SLC9C1: variants seen among roughly 807,000 people sequenced by gnomAD.
SLC9C1 encodes the protein solute carrier family 9 member C1.
A neutral mutation model predicts 140.9 loss-of-function variants in SLC9C1; 97 were observed. That is an observed-to-expected ratio of 0.69 (90% CI 0.58 to 0.82). SLC9C1 has a LOEUF of 0.82. Among genes scored for constraint, SLC9C1 ranks in the 40% least tolerant of loss-of-function variants. SLC9C1 has a pLI of 0.00. For missense variants in SLC9C1, 1,340 were observed against 1,389.3 expected, an observed-to-expected ratio of 0.96 and a Z score of 0.56; for synonymous variants, 440 against 442.6, an observed-to-expected ratio of 0.99 and a Z score of 0.07.
At chr3:112,213,087 T>G (rs534707535) in intron 15 of SLC9C1, among the ~76,000 whole-genome samples, 1 of 152,308 alleles carries the variant, frequency 6.6e-6, no homozygotes, top group East Asian at 1.9e-4. Context: ...CAACCCAGGA[T>G]TTCATGTCCA....
chr3:112,215,168 C>T (rs2078323553), intron 15 of SLC9C1, among the ~76,000 whole-genome samples: 1 of 69,886 alleles, frequency 1.4e-5, no homozygotes, highest in Non-Finnish European at 3.1e-5. Context: ...GCCCTTCATG[C>T]TAAAAACTCT....
intron 12 of SLC9C1, among the ~76,000 whole-genome samples, chr3:112,236,382 G>A (rs1354448328): frequency 6.6e-6 from 1 of 151,876 alleles, no homozygotes. Flanking sequence ...TAGTCTTGCT[G>A]GTGGTCTATC....
chr3:112,196,284 G>A (rs2077767197), intron 20 of SLC9C1, among the ~76,000 whole-genome samples: 1 of 151,838 alleles, frequency 6.6e-6, no homozygotes, highest in Non-Finnish European at 1.5e-5. Flanking sequence ...GGATCCTTGT[G>A]TGTGATGGAT....
intron 20 of SLC9C1, among the ~76,000 whole-genome samples, chr3:112,183,119 G>T (rs1175429729): frequency 6.6e-6 from 1 of 152,040 alleles, no homozygotes; most frequent in African/African-American, 2.4e-5. Context: ...TAATCCGATT[G>T]CTGGATCATA....
intron 26 of SLC9C1, among the ~76,000 whole-genome samples, chr3:112,160,392 G>A (rs1326796678): frequency 6.6e-6 from 1 of 150,470 alleles, no homozygotes; most frequent in Non-Finnish European, 1.5e-5. Context: ...CTAGCATTAG[G>A]TATATCTCCC....
rs2078825612 is a variant in SLC9C1, at chr3:112,231,436, A to C, written c.1497T>G (p.Cys499Trp). Residue 499 changes from cysteine to tryptophan, a missense_variant, in exon 13 of 29, where the codon TGT (cysteine) becomes TGG (tryptophan). Transcript: ENST00000305815. Reference protein sequence around the residue: ...TEHQKVKCPHCNKEIDEIFNT... With the variant: ...TEHQKVKCPHWNKEIDEIFNT... ...TAAAGATCTCATCTATTTCCTTGTTACAGTGTGGACATTTCACCTTCTGAT... is the reference window on the plus strand; with the variant it reads ...TAAAGATCTCATCTATTTCCTTGTTCCAGTGTGGACATTTCACCTTCTGAT... 6.2e-7 allele frequency: 1 copy of C among 1,612,992 alleles called. No homozygotes were observed. The highest frequency in any genetic ancestry group is 1.3e-5 in the African/African-American group (1 of 74,908).
intron 23 of SLC9C1, among the ~76,000 whole-genome samples, chr3:112,174,257 C>A (rs2077296301): frequency 6.6e-6 from 1 of 152,212 alleles, no homozygotes; most frequent in Non-Finnish European, 1.5e-5. Context: ...GGGGCTCCAC[C>A]TCCATGAAAT....
At chr3:112,211,926 C>T (rs1318238788) in intron 15 of SLC9C1, among the ~76,000 whole-genome samples, 2 of 152,148 alleles carry the variant, frequency 1.3e-5, no homozygotes, top group African/African-American at 4.8e-5. Flanking sequence ...GATCTCTGAC[C>T]CCCGAGTAGC....
intron 26 of SLC9C1, among the ~76,000 whole-genome samples, chr3:112,158,775 A>G (rs2075200426): frequency 6.6e-6 from 1 of 151,558 alleles, no homozygotes; most frequent in Non-Finnish European, 1.5e-5. Flanking sequence ...GAATTTATCC[A>G]TTTCTTCTAG....
chr3:112,200,625 G>A lies in SLC9C1; in HGVS notation c.2374+86C>T, dbSNP rs1202447513. The A allele has an allele frequency of 2.4e-6, 3 of 1,240,124 alleles. No individual in the cohort carries two copies. The East Asian group carries it at 7.1e-5, about 30-fold the overall frequency. 76.8% of individuals were successfully genotyped at this position (1,240,124 alleles called of 1,614,324 possible). On this transcript the variant is annotated intron_variant, in intron 19 of 28. Transcript: ENST00000305815. The stretch of plus-strand genomic sequence containing the variant: ...TTGTTAGTGAGTAGGTTTCCTCAAA[G>A]ATTAGCTCGAGTTATGAAAACCATT...
intron 26 of SLC9C1, among the ~76,000 whole-genome samples, chr3:112,155,484 T>A (rs2075103713): frequency 6.6e-6 from 1 of 152,156 alleles, no homozygotes; most frequent in African/African-American, 2.4e-5. Context: ...TGTGTGTATG[T>A]TGGGCTATTG....
At chr3:112,233,526 C>CA (rs2078892881) in intron 12 of SLC9C1, among the ~76,000 whole-genome samples, 1 of 151,980 alleles carries the variant, frequency 6.6e-6, no homozygotes, top group Non-Finnish European at 1.5e-5. Flanking sequence ...TACATGTGCA[C>CA]AATGTGCAAG....
At chr3:112,162,682 A>C (rs1256658385) in intron 26 of SLC9C1, among the ~76,000 whole-genome samples, 1 of 152,030 alleles carries the variant, frequency 6.6e-6, no homozygotes, top group Non-Finnish European at 1.5e-5. Flanking sequence ...CCAGTATTTT[A>C]TTGAGGATTT....
At chr3:112,181,344 C>T (rs2077436111) in intron 21 of SLC9C1, among the ~76,000 whole-genome samples, 1 of 152,118 alleles carries the variant, frequency 6.6e-6, no homozygotes, top group Non-Finnish European at 1.5e-5. Flanking sequence ...CATACATACC[C>T]TTGCTCTAAA....
At chr3:112,188,663 C>G (rs999750255) in intron 20 of SLC9C1, among the ~76,000 whole-genome samples, 7 of 152,148 alleles carry the variant, frequency 4.6e-5, no homozygotes, top group Non-Finnish European at 8.8e-5. Context: ...GGTTCCAAGT[C>G]TTTGCTATTG....
At chr3:112,152,030 C>A in intron 27 of SLC9C1, 67 bp from the exon 28 acceptor site, 1 of 1,239,960 alleles carries the variant, frequency 8.1e-7, no homozygotes, top group South Asian at 1.5e-5. Context: ...TGCCCCTCCA[C>A]ACCTGTGGGT....
At chr3:112,159,898 T>G (rs1560012549) in intron 26 of SLC9C1, among the ~76,000 whole-genome samples, 2 of 152,100 alleles carry the variant, frequency 1.3e-5, no homozygotes, top group Non-Finnish European at 2.9e-5. Context: ...CTCTTTTGGT[T>G]TCTGTTTGCA....
At chr3:112,210,824 C>T (rs1381387612) in intron 15 of SLC9C1, among the ~76,000 whole-genome samples, 1 of 152,052 alleles carries the variant, frequency 6.6e-6, no homozygotes, top group African/African-American at 2.4e-5. Flanking sequence ...GGCTACCACC[C>T]ACTTCAAAGC....
chr3:112,151,832 T>A, intron 28 of SLC9C1, 25 bp downstream of exon 28: 1 of 1,587,340 alleles, frequency 6.3e-7, no homozygotes, highest in Non-Finnish European at 8.6e-7. Context: ...CTCCTGATCC[T>A]GTTGAGGAAA....
Sources: allele counts gnomAD v4.1 joint callset (sites outside exome capture counted in the v4.1 genomes callset), GRCh38; gene constraint gnomAD v4.1.1; transcripts MANE v1.5; gene names NCBI Gene and HGNC (gene_info 2026-07-23, HGNC 2026-07-21).